Variants in URB1 observed in about 807,000 individuals in gnomAD.
URB1 encodes URB1 ribosome biogenesis factor.
In URB1, 197 loss-of-function variants were observed where a neutral mutation model predicts 242.3. The ratio of observed to expected loss-of-function variants is 0.81; its 90% CI spans 0.72 to 0.91. The LOEUF is 0.91. Ranked by LOEUF, URB1 falls within the 40% of genes least tolerant of loss-of-function variation. The pLI is 0.00. For missense variants in URB1, 2,721 were observed against 2,860.5 expected (o/e 0.95, Z 1.11); for synonymous variants, 1,153 against 1,201.8 (o/e 0.96, Z 0.84).
chr21:32,349,916 G>A (rs549555373), intron 20 of URB1, among the ~76,000 whole-genome samples: 10 of 151,886 alleles, frequency 6.6e-5, no homozygotes, highest in Admixed American at 4.6e-4. Context: ...CCAACATGGC[G>A]AAACCCCATC....
In URB1 at chr21:32,312,208, A is replaced by G. The variant is rs1163172356; in HGVS notation, c.*2710T>C. Reference sequence around the variant, plus strand: ...ATCCCAGGTGTTGCTGAGTTTATTGAGCACACCTAGCCTGCTTGCTTACTG... The same window carrying G: ...ATCCCAGGTGTTGCTGAGTTTATTGGGCACACCTAGCCTGCTTGCTTACTG... On this transcript the variant is annotated 3_prime_UTR_variant, in exon 39 of 39. Coordinates refer to ENST00000382751, the MANE Select transcript of URB1 (RefSeq NM_014825.3). The G allele has an allele frequency of 1.3e-6, 2 of 1,481,554 alleles. No homozygotes were observed. The highest frequency in any genetic ancestry group is 1.3e-5 in the South Asian group (1 of 74,478). The allele number at this position is 1,481,554 out of a possible 1,614,324, so 91.8% of individuals were successfully genotyped here. A position where few individuals can be genotyped will look rare whatever the true frequency, so the allele number is the denominator to read the frequency against.
intron 18 of URB1, 127 bp from the exon 19 acceptor site, chr21:32,353,033 C>T (rs2033176351): frequency 3.2e-6 from 3 of 950,254 alleles, no homozygotes; most frequent in South Asian, 1.7e-5. Context: ...TGAGGGGACA[C>T]ATAACCACAG....
Position 32,392,778 on chromosome 21 carries a change from G to A in URB1, c.133C>T (p.Pro45Ser), listed in dbSNP as rs1241164560. The A allele has an allele frequency of 8.1e-6, 12 of 1,482,338 alleles. No homozygotes were observed. Among genetic ancestry groups the A allele is most frequent in the Non-Finnish European group, 1.1e-5 (12 of 1,115,434 alleles). The allele number at this position is 1,482,338 out of a possible 1,614,324, so 91.8% of individuals were successfully genotyped here. A position where few individuals can be genotyped will look rare whatever the true frequency, so the allele number is the denominator to read the frequency against. Residue 45 changes from proline (P) to serine (S), a missense_variant, in exon 1 of 39, where the codon CCC (proline) becomes TCC (serine). By Grantham distance (74) the Pro-to-Ser change is moderately conservative. Transcript: ENST00000382751. ...FKAQLKDPQG[P>S]GPGLEAFVSA... ...GCCGCCCCGGACTCACCTGGCCCGG[G>A]GCCCTGCGGGTCCTTCAGCTGAGCC... is the stretch of plus-strand genomic sequence containing the variant.
rs758115072 is a variant in URB1, at chr21:32,385,646, G to A, written c.181C>T (p.Arg61Ter). The change falls in exon 2 of 39, where the codon CGA (arginine) becomes TGA (stop). Residue 61 changes from arginine (R) to a stop codon, truncating the protein, a stop_gained. Coordinates refer to ENST00000382751, the MANE Select transcript of URB1 (RefSeq NM_014825.3). LOFTEE classifies it high-confidence loss of function. ...TCCACAACATCATACACATCTTCTC[G>A]TGGTAGCTTCTTGGCAGCAGACACA... Reference protein sequence around the residue: ...AFVSAAKKLPREDVYDVVEGY... With the variant: ...AFVSAAKKLP The A allele has an allele frequency of 1.7e-5, 27 of 1,551,156 alleles. No individual in the cohort carries two copies. Among genetic ancestry groups the A allele is most frequent in the Admixed American group, 5.9e-5 (3 of 50,932 alleles).
chr21:32,329,534 T>C (rs2123555478), intron 30 of URB1, among the ~76,000 whole-genome samples: 1 of 152,312 alleles, frequency 6.6e-6, no homozygotes, highest in South Asian at 2.1e-4. Context: ...CCCAGTTCTG[T>C]TGAGGACAAG....
rs1314601381 is a variant in URB1 at position 32,346,946 on chromosome 21, T to C, written c.3868+10A>G. 1 of 1,490,536 alleles carries C rather than the reference T, an allele frequency of 6.7e-7. No homozygotes were observed. The highest frequency in any genetic ancestry group is 9.0e-7 in the Non-Finnish European group (1 of 1,111,058). The allele number at this position is 1,490,536 out of a possible 1,614,324, so 92.3% of individuals were successfully genotyped here. ...AGACCCCAGCTGCCCAAAGCTAGCC[T>C]TTCCCTTACCTCCTGCTGGGCGTGT... On this transcript the variant is annotated intron_variant, in intron 22 of 38. Transcript: ENST00000382751.
chr21:32,380,048 T>C (rs1485287044), intron 4 of URB1, among the ~76,000 whole-genome samples: 1 of 152,182 alleles, frequency 6.6e-6, no homozygotes, highest in Non-Finnish European at 1.5e-5. Context: ...AAGAAGTAAT[T>C]GTACAAACAT....
intron 13 of URB1, among the ~76,000 whole-genome samples, chr21:32,360,391 G>T (rs2033269954): frequency 6.6e-6 from 1 of 152,196 alleles, no homozygotes; most frequent in Non-Finnish European, 1.5e-5. Flanking sequence ...TATTTCCACA[G>T]CAAAGAGAAC....
chr21:32,363,861 C>T (rs971067994), intron 10 of URB1, among the ~76,000 whole-genome samples: 6 of 151,870 alleles, frequency 4.0e-5, no homozygotes, highest in African/African-American at 9.7e-5. Context: ...TAGTATGTTG[C>T]CCAGGCCGGC....
chr21:32,364,956 T>C (rs1424357649), intron 10 of URB1, among the ~76,000 whole-genome samples: 1 of 152,228 alleles, frequency 6.6e-6, no homozygotes, highest in Non-Finnish European at 1.5e-5. Flanking sequence ...GGCATGGCAA[T>C]AGCCAACAGC....
intron 8 of URB1, among the ~76,000 whole-genome samples, chr21:32,371,772 T>TG (rs1238863306): frequency 6.6e-6 from 1 of 151,900 alleles, no homozygotes; most frequent in African/African-American, 2.4e-5. Flanking sequence ...TATTGTCAAG[T>TG]GGGAAAAAAG....
rs188267379 is a variant in URB1, at chr21:32,363,243, C to T, written c.1422G>A (p.Leu474=). ...KRALKTVDHC[L]NKEVWQESGV... is the part of the protein sequence containing the mutation. Reference sequence around the variant, plus strand: ...CTGATTCCTGCCACACCTCTTTATTCAGGCAGTGGTCAACAGTTTTTAATG... The same window carrying T: ...CTGATTCCTGCCACACCTCTTTATTTAGGCAGTGGTCAACAGTTTTTAATG... The change falls in exon 11 of 39, where the codon CTG becomes CTA. Residue 474 remains leucine (L), a synonymous_variant. Transcript: ENST00000382751. 10 of 1,552,078 alleles carry T rather than the reference C, an allele frequency of 6.4e-6. No homozygotes were observed. In the Admixed American group the frequency reaches 1.8e-4, roughly 27 times the overall value.
chr21:32,322,211 A>T (rs1410538518), intron 33 of URB1, among the ~76,000 whole-genome samples: 1 of 152,270 alleles, frequency 6.6e-6, no homozygotes, highest in Non-Finnish European at 1.5e-5. Context: ...ACAGAATTTA[A>T]TATTTAACCC....
intron 8 of URB1, among the ~76,000 whole-genome samples, chr21:32,369,895 G>A (rs985903233): frequency 6.6e-6 from 1 of 150,376 alleles, no homozygotes; most frequent in Non-Finnish European, 1.5e-5. Context: ...AAAAGCAGGT[G>A]AGCCCAGGAC....
intron 30 of URB1, among the ~76,000 whole-genome samples, chr21:32,332,257 G>A (rs1478360780): frequency 6.6e-6 from 1 of 151,950 alleles, no homozygotes; most frequent in East Asian, 1.9e-4. Flanking sequence ...TCTAGGAGTA[G>A]ACAGAGTTCT....
intron 8 of URB1, among the ~76,000 whole-genome samples, chr21:32,370,474 C>T (rs1195926449): frequency 6.6e-6 from 1 of 152,138 alleles, no homozygotes; most frequent in African/African-American, 2.4e-5. Context: ...TTATTTTAAT[C>T]AACAACGTAA....
intron 33 of URB1, 64 bp downstream of exon 33, chr21:32,322,413 GA>G: frequency 7.2e-7 from 1 of 1,385,270 alleles, no homozygotes; most frequent in Non-Finnish European, 1.0e-6. Context: ...ATGTCAGAAT[GA>G]CAACGGTGGC....
chr21:32,381,822 G>C (rs1011574651), intron 4 of URB1, among the ~76,000 whole-genome samples: 1 of 152,224 alleles, frequency 6.6e-6, no homozygotes, highest in Admixed American at 6.5e-5. Context: ...CTGAAAAGGT[G>C]GAGGGTGGGG....
chr21:32,381,901 A>C (rs536480993), intron 4 of URB1, among the ~76,000 whole-genome samples: 1 of 152,354 alleles, frequency 6.6e-6, no homozygotes, highest in East Asian at 1.9e-4. Flanking sequence ...TGTTCCTAAC[A>C]GTTCCTTATT....
Sources: gnomAD v4.1 joint callset for allele counts (sites outside exome capture counted in the v4.1 genomes callset) on GRCh38, gnomAD v4.1.1 for gene constraint, MANE v1.5 for transcripts, NCBI Gene and HGNC (gene_info 2026-07-23, HGNC 2026-07-21) for gene names.